ANK2: variants seen among roughly 807,000 people sequenced by gnomAD.
ANK2 encodes the protein ankyrin 2.
ANK2 carries 83 observed loss-of-function variants against 360.5 expected under a neutral mutation model. That is an observed-to-expected ratio of 0.23 (90% CI 0.19 to 0.28). The LOEUF (loss-of-function observed/expected upper bound fraction) is 0.28. Among genes scored for constraint, ANK2 ranks in the 10% least tolerant of loss-of-function variants. ANK2 has a pLI of 1.00. For synonymous variants in ANK2, 1,740 were observed against 1,759.5 expected, an observed-to-expected ratio of 0.99 and a Z score of 0.28; for missense variants, 4,201 against 4,795.7, an observed-to-expected ratio of 0.88 and a Z score of 3.66.
Position 113,293,368 on chromosome 4 carries a change from G to T in ANK2, c.2377-72G>T, listed in dbSNP as rs60004829. ...GAAATGCTGGCTGATGCAGAGCAGC[G>T]GGTGAGCTCATTGGCTCACATCGCA... On this transcript the variant is annotated intron_variant, in intron 21 of 45. Transcript: ENST00000357077. The T allele has an allele frequency of 8.7e-4, 1,113 of 1,283,878 alleles. 7 individuals carry two copies. In the African/African-American group the frequency reaches 0.012, roughly 13 times the overall value. The allele number at this position is 1,283,878 out of a possible 1,614,324, so 79.5% of individuals were successfully genotyped here.
intron 2 of ANK2, among the ~76,000 whole-genome samples, chr4:113,043,479 C>T (rs2063482214): frequency 6.6e-6 from 1 of 151,962 alleles, no homozygotes; most frequent in Admixed American, 6.6e-5. Context: ...CTATGTTGCT[C>T]AGGCTGGTCT....
chr4:112,899,504 T>C (rs1300544198), intron 1 of ANK2, among the ~76,000 whole-genome samples: 1 of 152,198 alleles, frequency 6.6e-6, no homozygotes, highest in African/African-American at 2.4e-5. Flanking sequence ...GAGAGGATTC[T>C]AAACTAGATT....
At chr4:112,747,548 G>A in the ANK2 span, among the ~76,000 whole-genome samples, 3 of 152,290 alleles carry the variant, frequency 2.0e-5, 1 homozygote, top group African/African-American at 7.2e-5. Context: ...GAAAGAAAAA[G>A]GAAGAGAAAA....
At chr4:113,314,859 T>C (rs1166231985) in intron 24 of ANK2, among the ~76,000 whole-genome samples, 1 of 152,162 alleles carries the variant, frequency 6.6e-6, no homozygotes, top group South Asian at 2.1e-4. Context: ...AAACAACCAA[T>C]TAGTATTTCA....
intron 1 of ANK2, among the ~76,000 whole-genome samples, chr4:113,142,086 T>TC (rs1179504092): frequency 6.6e-6 from 1 of 152,208 alleles, no homozygotes; most frequent in Admixed American, 6.5e-5. Flanking sequence ...GAAGCATTTT[T>TC]GAAAAACAGT....
chr4:112,861,722 A>G (rs1162471490), intron 1 of ANK2, among the ~76,000 whole-genome samples: 1 of 152,222 alleles, frequency 6.6e-6, no homozygotes, highest in African/African-American at 2.4e-5. Context: ...TACATGGTGT[A>G]ATGTTTTAAA....
the ANK2 span, among the ~76,000 whole-genome samples, chr4:112,727,922 A>G: frequency 6.6e-6 from 1 of 152,134 alleles, no homozygotes; most frequent in African/African-American, 2.4e-5. Context: ...CGTTGCGGTG[A>G]GCCGAGATCG....
intron 2 of ANK2, among the ~76,000 whole-genome samples, chr4:113,025,893 T>C (rs1457625959): frequency 1.3e-5 from 2 of 152,164 alleles, no homozygotes; most frequent in African/African-American, 4.8e-5. Flanking sequence ...AAGTAGGCAA[T>C]GATATAAAGG....
intron 2 of ANK2, among the ~76,000 whole-genome samples, chr4:112,908,794 C>T (rs2086129178): frequency 6.6e-6 from 1 of 152,214 alleles, no homozygotes. Context: ...CATTCCAAAA[C>T]TCATTTCCTG....
intron 43 of ANK2, among the ~76,000 whole-genome samples, chr4:113,370,057 A>C (rs1436796468): frequency 6.6e-6 from 1 of 152,220 alleles, no homozygotes; most frequent in Non-Finnish European, 1.5e-5. Context: ...TCTTTTGCTA[A>C]GAAAAATGAA....
At chr4:113,244,330 CAAGTCAGT>C (rs2041695618) in intron 9 of ANK2, among the ~76,000 whole-genome samples, 1 of 152,068 alleles carries the variant, frequency 6.6e-6, no homozygotes. Context: ...CATAGAGATG[CAAGTCAGT>C]AGTTCAAGGA....
At chr4:113,210,159 C>A (rs2099004552) in intron 4 of ANK2, among the ~76,000 whole-genome samples, 1 of 152,166 alleles carries the variant, frequency 6.6e-6, no homozygotes, top group Non-Finnish European at 1.5e-5. Flanking sequence ...GCCTGGAATT[C>A]CCCTTGAAGG....
intron 1 of ANK2, among the ~76,000 whole-genome samples, chr4:112,821,078 A>AT (rs956440318): frequency 3.3e-5 from 5 of 151,672 alleles, no homozygotes; most frequent in Admixed American, 2.0e-4. Context: ...TGCCTGGCTA[A>AT]TTTTTTTTGT....
At chr4:112,796,967 T>C in the ANK2 span, 1 of 154,056 alleles carries the variant, frequency 6.5e-6, no homozygotes, top group Non-Finnish European at 1.5e-5. Flanking sequence ...ATTCCCTCAT[T>C]TGGCTTTGAA....
At chr4:113,069,440 G>A (rs1292184095) in intron 1 of ANK2, among the ~76,000 whole-genome samples, 1 of 152,220 alleles carries the variant, frequency 6.6e-6, no homozygotes, top group Non-Finnish European at 1.5e-5. Context: ...GAGAGAAGAG[G>A]AAGTGTACTT....
chr4:113,156,274 T>C (rs1443285501), intron 1 of ANK2, among the ~76,000 whole-genome samples: 2 of 134,564 alleles, frequency 1.5e-5, no homozygotes, highest in Non-Finnish European at 3.1e-5. Flanking sequence ...TATACTAACT[T>C]TGTAATGTTT....
chr4:112,967,637 A>G (rs1316337738), intron 2 of ANK2, among the ~76,000 whole-genome samples: 1 of 152,226 alleles, frequency 6.6e-6, no homozygotes, highest in Non-Finnish European at 1.5e-5. Context: ...TAGTAAGTCA[A>G]AAGCGTTAAA....
intron 1 of ANK2, among the ~76,000 whole-genome samples, chr4:112,879,998 A>C (rs879459404): frequency 6.6e-6 from 1 of 152,190 alleles, no homozygotes; most frequent in East Asian, 1.9e-4. Context: ...GCAGCTCTTC[A>C]GCAAAAGTGA....
the ANK2 span, among the ~76,000 whole-genome samples, chr4:112,794,757 A>T: frequency 2.0e-5 from 3 of 152,240 alleles, no homozygotes; most frequent in African/African-American, 7.2e-5. Context: ...TTCATCAAAG[A>T]GTAAACTTGC....
Sources: allele counts gnomAD v4.1 joint callset (sites outside exome capture counted in the v4.1 genomes callset), GRCh38; gene constraint gnomAD v4.1.1; transcripts MANE v1.5; gene names NCBI Gene and HGNC (gene_info 2026-07-23, HGNC 2026-07-21).